The following QRICH1 variants were observed in gnomAD, a reference collection of about 807,000 sequenced individuals.
The protein encoded by QRICH1 is glutamine rich 1.
QRICH1 carries 16 observed loss-of-function variants against 87.1 expected under a neutral mutation model. The ratio of observed to expected loss-of-function variants is 0.18; its 90% CI spans 0.12 to 0.28. QRICH1 has a LOEUF of 0.28. Among genes scored for constraint, QRICH1 ranks in the 10% least tolerant of loss-of-function variants. The pLI is 1.00. For missense variants in QRICH1, 647 were observed against 951.7 expected, an observed-to-expected ratio of 0.68 and a Z score of 4.21; for synonymous variants, 367 against 368.4, an observed-to-expected ratio of 1.00 and a Z score of 0.05.
At chr3:49,090,045 T>C (rs2042244462) in intron 1 of QRICH1, among the ~76,000 whole-genome samples, 1 of 152,218 alleles carries the variant, frequency 6.6e-6, no homozygotes, top group East Asian at 1.9e-4. Flanking sequence ...GCGGGCGCAG[T>C]GGCTCACGCC....
At chr3:49,046,023 C>A (rs1321258011) in intron 5 of QRICH1, among the ~76,000 whole-genome samples, 2 of 151,726 alleles carry the variant, frequency 1.3e-5, no homozygotes, top group African/African-American at 4.8e-5. Context: ...TCAAGCGATT[C>A]TCATGCCTCA....
chr3:49,053,585 G>A (rs1015224586), intron 3 of QRICH1, among the ~76,000 whole-genome samples: 1 of 152,068 alleles, frequency 6.6e-6, no homozygotes, highest in Non-Finnish European at 1.5e-5. Context: ...GGCTATAGGG[G>A]GGTCACTGCT....
At chr3:49,072,879 CA>C (rs2041869911) in intron 2 of QRICH1, among the ~76,000 whole-genome samples, 2 of 151,196 alleles carry the variant, frequency 1.3e-5, no homozygotes, top group Non-Finnish European at 1.5e-5. Context: ...CCATCTCTAC[CA>C]AAAATGAAAA....
chr3:49,072,857 C>CA (rs2041868174), intron 2 of QRICH1, among the ~76,000 whole-genome samples: 1 of 151,998 alleles, frequency 6.6e-6, no homozygotes, highest in South Asian at 2.1e-4. Context: ...GCCTGAGCAA[C>CA]ATGGCGAGAG....
At chr3:49,092,674 A>C (rs2042298901) in intron 1 of QRICH1, among the ~76,000 whole-genome samples, 1 of 152,134 alleles carries the variant, frequency 6.6e-6, no homozygotes, top group Admixed American at 6.6e-5. Flanking sequence ...TAGAAAAAAG[A>C]GGTGCCTATT....
chr3:49,072,160 A>T (rs7615235), intron 2 of QRICH1, among the ~76,000 whole-genome samples: 100,701 of 152,042 alleles, frequency 0.66, 34,012 homozygotes, highest in East Asian at 0.96. Flanking sequence ...GTGAAACCCC[A>T]TCTCTACTAA....
intron 3 of QRICH1, among the ~76,000 whole-genome samples, chr3:49,052,312 T>C (rs2093375639): frequency 6.6e-6 from 1 of 152,050 alleles, no homozygotes; most frequent in African/African-American, 2.4e-5. Context: ...TTTGACAGTT[T>C]TAGAAATGGT....
In QRICH1 at chr3:49,057,952, G is replaced by C. The variant is rs371544757; in HGVS notation, c.310-62C>G. On this transcript the variant is annotated intron_variant, in intron 2 of 9. Transcript: ENST00000395443. The surrounding 1 kb of genome is among the most constrained non-coding windows in gnomAD (Gnocchi z 5.4). Reference sequence around the variant, plus strand: ...CAGCACTGAAAATCCAGTACCCAAGGAAAGAAAGAAAAGAGATCCCAGACA... The same window carrying C: ...CAGCACTGAAAATCCAGTACCCAAGCAAAGAAAGAAAAGAGATCCCAGACA... The C allele has an allele frequency of 3.7e-6, 6 of 1,612,066 alleles. No individual in the cohort carries two copies. The highest frequency in any genetic ancestry group is 3.3e-4 in the Middle Eastern group (2 of 6,084).
intron 1 of QRICH1, among the ~76,000 whole-genome samples, chr3:49,081,689 CA>C (rs1559954273): frequency 2.0e-5 from 3 of 152,246 alleles, no homozygotes; most frequent in African/African-American, 7.2e-5. Flanking sequence ...GTTAGAGAGA[CA>C]GGGTTTTGCC....
At chr3:49,042,402 G>A (rs1413622657) in intron 6 of QRICH1, among the ~76,000 whole-genome samples, 1 of 151,958 alleles carries the variant, frequency 6.6e-6, no homozygotes, top group African/African-American at 2.4e-5. Flanking sequence ...CCCAGCCAAA[G>A]ACACACAGGA....
At chr3:49,051,981 C>T (rs1001024515) in intron 3 of QRICH1, among the ~76,000 whole-genome samples, 1 of 152,112 alleles carries the variant, frequency 6.6e-6, no homozygotes, top group Non-Finnish European at 1.5e-5. Flanking sequence ...GAGTATTGTA[C>T]ATTGTGGTGT....
At chr3:49,047,626 G>GGCAT (rs201924326) in intron 3 of QRICH1, among the ~76,000 whole-genome samples, 4,768 of 151,848 alleles carry the variant, frequency 0.031, 101 homozygotes, top group Non-Finnish European at 0.047. Context: ...TGGGTTTACA[G>GGCAT]GCATGCACCA....
At chr3:49,093,711 A>C in intron 1 of QRICH1, 3 of 238,698 alleles carry the variant, frequency 1.3e-5, no homozygotes, top group Non-Finnish European at 1.6e-5. Context: ...CGCCGCGCCC[A>C]CCCAAATCCC....
intron 2 of QRICH1, among the ~76,000 whole-genome samples, chr3:49,059,348 ACTC>A (rs940331938): frequency 6.0e-5 from 9 of 149,536 alleles, no homozygotes; most frequent in African/African-American, 7.4e-5. Context: ...TAAACTTCAA[ACTC>A]CTCAAGTGAT....
intron 6 of QRICH1, 59 bp downstream of exon 6, chr3:49,044,331 C>G: frequency 7.6e-7 from 1 of 1,317,964 alleles, no homozygotes; most frequent in Non-Finnish European, 1.1e-6. Flanking sequence ...ACCACAGAAG[C>G]TATTGATCTT....
chr3:49,084,068 G>A (rs1329229879), intron 1 of QRICH1, among the ~76,000 whole-genome samples: 1 of 151,906 alleles, frequency 6.6e-6, no homozygotes, highest in African/African-American at 2.4e-5. Flanking sequence ...CCAAAGTGCT[G>A]GGATTACAGG....
chr3:49,031,207 C>A (rs756241685), intron 9 of QRICH1, among the ~76,000 whole-genome samples: 3 of 152,018 alleles, frequency 2.0e-5, no homozygotes, highest in Admixed American at 1.3e-4. Flanking sequence ...AGGCTGGTCT[C>A]GAACTCCTGA....
intron 1 of QRICH1, among the ~76,000 whole-genome samples, chr3:49,081,013 A>G (rs1429338469): frequency 6.6e-6 from 1 of 150,996 alleles, no homozygotes; most frequent in Non-Finnish European, 1.5e-5. Context: ...ATTATAAATA[A>G]AAAACTAAAA....
intron 2 of QRICH1, among the ~76,000 whole-genome samples, chr3:49,074,465 G>A (rs935741974): frequency 4.0e-5 from 6 of 151,824 alleles, no homozygotes; most frequent in African/African-American, 1.5e-4. Context: ...CCAGCTACTC[G>A]GGAGGCTGAG....
Sources: gnomAD v4.1 joint callset for allele counts (sites outside exome capture counted in the v4.1 genomes callset) on GRCh38, gnomAD v4.1.1 for gene constraint, Gnocchi (gnomAD v3.1) non-coding constraint, MANE v1.5 for transcripts, NCBI Gene and HGNC (gene_info 2026-07-23, HGNC 2026-07-21) for gene names.